Variants in NAV2 observed in about 807,000 individuals in gnomAD.
NAV2 encodes the protein neuron navigator 2.
In NAV2, 54 loss-of-function variants were observed where a neutral mutation model predicts 223.2. The ratio of observed to expected loss-of-function variants is 0.24; its 90% confidence interval spans 0.19 to 0.30. The LOEUF (loss-of-function observed/expected upper bound fraction) is 0.30, where lower values mean the gene tolerates loss of function less well. Ranked by LOEUF, NAV2 falls within the 10% of genes least tolerant of loss-of-function variation. NAV2 has a pLI of 1.00. For synonymous variants in NAV2, 1,279 were observed against 1,239.3 expected, an observed-to-expected ratio of 1.03 and a Z score of -0.67; for missense variants, 2,806 against 3,147.5, an observed-to-expected ratio of 0.89 and a Z score of 2.60.
intron 10 of NAV2, among the ~76,000 whole-genome samples, chr11:19,967,087 T>C (rs940611934): frequency 1.3e-5 from 2 of 152,178 alleles, no homozygotes; most frequent in African/African-American, 4.8e-5. Flanking sequence ...CATGTGATTG[T>C]CCCCATCTTA....
At chr11:19,642,721 G>C (rs192366444) in intron 1 of NAV2, among the ~76,000 whole-genome samples, 5 of 152,208 alleles carry the variant, frequency 3.3e-5, no homozygotes, top group African/African-American at 1.2e-4. Context: ...AAGCAGGAGG[G>C]GGGCTGGATT....
At chr11:19,737,011 G>A (rs1565229024) in intron 1 of NAV2, among the ~76,000 whole-genome samples, 1 of 152,252 alleles carries the variant, frequency 6.6e-6, no homozygotes, top group Non-Finnish European at 1.5e-5. Context: ...TGTAGTGCCA[G>A]CCAGGAGGGG....
the NAV2 span, among the ~76,000 whole-genome samples, chr11:19,345,390 G>T: frequency 6.6e-6 from 1 of 152,222 alleles, no homozygotes; most frequent in Non-Finnish European, 1.5e-5. The surrounding 1 kb of genome is among the most constrained non-coding windows in gnomAD (Gnocchi z 5.2). Context: ...GGGAAAGTTT[G>T]CGGTGCAACT....
chr11:19,584,892 G>C (rs1192357005), intron 1 of NAV2, among the ~76,000 whole-genome samples: 2 of 152,152 alleles, frequency 1.3e-5, no homozygotes, highest in Non-Finnish European at 2.9e-5. Flanking sequence ...ATGTCTATTG[G>C]GTCCGCTTGG....
chr11:20,051,207 T>C, intron 16 of NAV2, 82 bp from the exon 17 acceptor site: 1 of 1,196,298 alleles, frequency 8.4e-7, no homozygotes, highest in Non-Finnish European at 1.3e-6. Flanking sequence ...CCAGGGCCCT[T>C]CAGTCCCCTC....
rs1019049405 is a variant in NAV2, at chr11:20,120,782, G to T, written c.*2524G>T. On this transcript the variant is annotated 3_prime_UTR_variant, in exon 38 of 38. Coordinates refer to ENST00000349880, the MANE Select transcript of NAV2 (RefSeq NM_145117.5). ...TCCTTCCTAAAGTTTCGGGAAGCAG[G>T]GTTGTCTAATATGCACATTTCTTAT... 3 of 152,232 alleles carry T rather than the reference G, an allele frequency of 2.0e-5. No individual in the cohort carries two copies. Among genetic ancestry groups the T allele is most frequent in the Non-Finnish European group, 4.4e-5 (3 of 68,022 alleles). The allele number at this position is 152,232 out of a possible 1,614,324, so 9.4% of individuals were successfully genotyped here.
At chr11:19,986,544 C>T (rs2050813073) in intron 11 of NAV2, among the ~76,000 whole-genome samples, 1 of 151,990 alleles carries the variant, frequency 6.6e-6, no homozygotes, top group African/African-American at 2.4e-5. Context: ...TGCTTGAACC[C>T]GGGAGGCAGA....
chr11:19,680,885 C>T (rs1425130275), intron 1 of NAV2, among the ~76,000 whole-genome samples: 1 of 152,200 alleles, frequency 6.6e-6, no homozygotes, highest in East Asian at 1.9e-4. Flanking sequence ...GCCAAACAAT[C>T]AAGGGCTTCC....
intron 1 of NAV2, among the ~76,000 whole-genome samples, chr11:19,427,780 T>C (rs1850889827): frequency 6.6e-6 from 1 of 152,216 alleles, no homozygotes; most frequent in African/African-American, 2.4e-5. Context: ...GCCGAATATC[T>C]TCCGTACTCA....
chr11:19,736,595 C>A (rs1414718097), intron 1 of NAV2, among the ~76,000 whole-genome samples: 1 of 152,218 alleles, frequency 6.6e-6, no homozygotes, highest in Non-Finnish European at 1.5e-5. Context: ...AAAACTGCCA[C>A]AATGCTCCTG....
At chr11:20,042,545 T>C (rs746450415) in intron 12 of NAV2, among the ~76,000 whole-genome samples, 3 of 152,104 alleles carry the variant, frequency 2.0e-5, no homozygotes, top group African/African-American at 7.2e-5. Context: ...CTGTAATGGA[T>C]GAGTGGAATT....
At chr11:19,918,940 C>T (rs376365121) in intron 6 of NAV2, among the ~76,000 whole-genome samples, 90 of 152,256 alleles carry the variant, frequency 5.9e-4, no homozygotes, top group African/African-American at 2.1e-3. Flanking sequence ...ATCCCCAAGA[C>T]CTGGAACCCC....
At chr11:20,051,479 C>G in intron 17 of NAV2, 146 bp downstream of exon 17, 1 of 743,248 alleles carries the variant, frequency 1.3e-6, no homozygotes, top group Non-Finnish European at 2.4e-6. Flanking sequence ...TGACGGCTCC[C>G]CTTGCACCCT....
chr11:19,980,632 G>A (rs1166249302), intron 10 of NAV2, among the ~76,000 whole-genome samples: 2 of 152,174 alleles, frequency 1.3e-5, no homozygotes, highest in African/African-American at 2.4e-5. Context: ...CACACCCGTG[G>A]CTGCTTCATC....
At chr11:19,894,888 G>A (rs547440838) in intron 6 of NAV2, among the ~76,000 whole-genome samples, 12 of 152,048 alleles carry the variant, frequency 7.9e-5, no homozygotes, top group East Asian at 1.9e-4. Context: ...GTGCCACCAC[G>A]CCCGGCTAAT....
intron 37 of NAV2, among the ~76,000 whole-genome samples, chr11:20,117,516 C>G (rs1292734559): frequency 6.6e-6 from 1 of 152,302 alleles, no homozygotes; most frequent in Non-Finnish European, 1.5e-5. Context: ...AGCGAAGGCT[C>G]TTTGCACTCG....
At chr11:20,043,868 A>T in intron 12 of NAV2, 113 bp from the exon 13 acceptor site, 2 of 900,296 alleles carry the variant, frequency 2.2e-6, no homozygotes, top group Non-Finnish European at 3.4e-6. Flanking sequence ...TCTTTAAAGT[A>T]ATGCTTATTT....
chr11:19,904,633 C>T (rs766233855), intron 6 of NAV2, among the ~76,000 whole-genome samples: 1 of 152,054 alleles, frequency 6.6e-6, no homozygotes, highest in South Asian at 2.1e-4. Context: ...AAATGAAGAT[C>T]TATATCCTGA....
chr11:20,019,994 T>TAAACAAAA, intron 11 of NAV2, among the ~76,000 whole-genome samples: 1 of 134,072 alleles, frequency 7.5e-6, no homozygotes, highest in South Asian at 2.4e-4. Context: ...GGGCATGAGG[T>TAAACAAAA]AAAAAAAAAA....
Sources: gnomAD v4.1 joint callset for allele counts (sites outside exome capture counted in the v4.1 genomes callset) on GRCh38, gnomAD v4.1.1 for gene constraint, Gnocchi (gnomAD v3.1) non-coding constraint, MANE v1.5 for transcripts, NCBI Gene and HGNC (gene_info 2026-07-23, HGNC 2026-07-21) for gene names.